Variants in ADAM19 observed in about 807,000 individuals in gnomAD.
ADAM19 encodes ADAM metallopeptidase domain 19, also known as disintegrin and metalloproteinase domain-containing protein 19.
Under a neutral mutation model 114.7 loss-of-function variants are expected in ADAM19, and 65 were observed. The observed-to-expected ratio is 0.57, with a 90% CI of 0.46 to 0.70. The LOEUF is 0.70. Among genes scored for constraint, ADAM19 ranks in the 30% least tolerant of loss-of-function variants. The probability of loss-of-function intolerance (pLI) is 0.00; values close to 1 mark genes in which losing one functional copy is unlikely to be tolerated. For missense variants in ADAM19, 1,063 were observed against 1,204.7 expected (o/e 0.88, Z 1.74); for synonymous variants, 466 against 460.5 (o/e 1.01, Z -0.15).
Position 157,491,688 on chromosome 5 carries a change from C to T in ADAM19, c.2022G>A (p.Pro674=), listed in dbSNP as rs139027135. 161 of 1,584,266 alleles carry T rather than the reference C, an allele frequency of 1.0e-4. No individual in the cohort carries two copies. Among genetic ancestry groups the T allele is most frequent in the East Asian group, 6.5e-4 (29 of 44,586 alleles). ...CNNNQNCHCL[P]GWAPPFCNTP... ...TGTTGCAGAAGGGCGGGGCCCAGCC[C>T]GGCAGGCAGTGGCAGTTCTGGTTGT... Residue 674 remains proline, a synonymous_variant, in exon 18 of 23, where the codon CCG becomes CCA. Transcript: ENST00000257527.
intron 4 of ADAM19, among the ~76,000 whole-genome samples, chr5:157,534,366 G>T (rs1019726764): frequency 1.3e-5 from 2 of 152,134 alleles, no homozygotes; most frequent in Non-Finnish European, 2.9e-5. Flanking sequence ...TACTCGGAAG[G>T]CTGAGGCATG....
chr5:157,525,333 C>T (rs947956327), intron 5 of ADAM19, among the ~76,000 whole-genome samples: 18 of 152,196 alleles, frequency 1.2e-4, no homozygotes, highest in Admixed American at 1.0e-3. Context: ...GAGCCACCTC[C>T]TTCTGCCCCA....
intron 8 of ADAM19, among the ~76,000 whole-genome samples, chr5:157,512,343 C>T (rs1430504096): frequency 1.3e-5 from 2 of 152,182 alleles, no homozygotes; most frequent in African/African-American, 4.8e-5. Flanking sequence ...TAAGTGATCT[C>T]CTATATTCTC....
At chr5:157,565,346 G>C (rs552653134) in intron 2 of ADAM19, among the ~76,000 whole-genome samples, 2 of 152,230 alleles carry the variant, frequency 1.3e-5, no homozygotes, top group African/African-American at 4.8e-5. Context: ...CTGGGCACTC[G>C]CAATCCCTAC....
chr5:157,481,586 T>C (rs1272584760), intron 22 of ADAM19: 4 of 1,516,630 alleles, frequency 2.6e-6, no homozygotes, highest in South Asian at 2.6e-5. Flanking sequence ...CAGCTCAGGA[T>C]TCTAAGAATC....
intron 1 of ADAM19, 109 bp from the exon 2 acceptor site, chr5:157,571,089 G>A (rs990998305): frequency 3.4e-6 from 3 of 891,014 alleles, no homozygotes; most frequent in African/African-American, 3.3e-5. Flanking sequence ...TAGAAGACTT[G>A]CTGGATTTCA....
chr5:157,494,870 G>T, intron 14 of ADAM19, 75 bp from the exon 15 acceptor site: 1 of 1,193,450 alleles, frequency 8.4e-7, no homozygotes, highest in Non-Finnish European at 1.2e-6. Flanking sequence ...CTTTGGTAAA[G>T]TCATGAAGGT....
chr5:157,525,250 G>T (rs1291269666), intron 5 of ADAM19, among the ~76,000 whole-genome samples: 1 of 152,160 alleles, frequency 6.6e-6, no homozygotes, highest in African/African-American at 2.4e-5. Flanking sequence ...GATCCATTCT[G>T]CAGAAGGAAG....
At chr5:157,485,344 A>G (rs1294584964) in intron 21 of ADAM19, among the ~76,000 whole-genome samples, 1 of 152,218 alleles carries the variant, frequency 6.6e-6, no homozygotes, top group Non-Finnish European at 1.5e-5. Flanking sequence ...ACAAATCATA[A>G]ATATACAACT....
intron 3 of ADAM19, among the ~76,000 whole-genome samples, chr5:157,550,300 A>C (rs1214120667): frequency 6.6e-6 from 1 of 152,138 alleles, no homozygotes; most frequent in East Asian, 1.9e-4. Context: ...CTGTGGTGGC[A>C]TAACTCTAAT....
At chr5:157,565,381 ACT>A (rs1277969545) in intron 2 of ADAM19, among the ~76,000 whole-genome samples, 15 of 152,196 alleles carry the variant, frequency 9.9e-5, no homozygotes, top group African/African-American at 3.6e-4. Context: ...ACTGACGGCA[ACT>A]CTCTGAAAGA....
chr5:157,511,570 T>C (rs545362222), intron 8 of ADAM19, among the ~76,000 whole-genome samples: 1 of 152,358 alleles, frequency 6.6e-6, no homozygotes, highest in Admixed American at 6.5e-5. Flanking sequence ...TTTGTGCCAG[T>C]TCAATCGTTA....
At chr5:157,545,399 A>G (rs1319937023) in intron 3 of ADAM19, among the ~76,000 whole-genome samples, 1 of 152,204 alleles carries the variant, frequency 6.6e-6, no homozygotes, top group Non-Finnish European at 1.5e-5. Flanking sequence ...GCTTCATGAT[A>G]TGCCTGGACA....
chr5:157,505,332 T>C (rs947362620), intron 11 of ADAM19, among the ~76,000 whole-genome samples: 1 of 152,052 alleles, frequency 6.6e-6, no homozygotes, highest in Non-Finnish European at 1.5e-5. Flanking sequence ...GATAGAAGAA[T>C]TAAGGGCTGT....
At chr5:157,564,554 A>T (rs1757600637) in intron 2 of ADAM19, 111 bp from the exon 3 acceptor site, 4 of 906,884 alleles carry the variant, frequency 4.4e-6, no homozygotes, top group Middle Eastern at 5.8e-4. Context: ...GAAGTGAATG[A>T]GCAAAGGTCA....
intron 18 of ADAM19, among the ~76,000 whole-genome samples, chr5:157,491,138 T>A (rs11746837): frequency 0.054 from 8,140 of 149,992 alleles, 275 homozygotes; most frequent in Middle Eastern, 0.098. Context: ...CTATTTTTTT[T>A]AAAAAAAAAA....
chr5:157,562,470 G>T (rs1211244948), intron 3 of ADAM19, among the ~76,000 whole-genome samples: 1 of 152,136 alleles, frequency 6.6e-6, no homozygotes, highest in Non-Finnish European at 1.5e-5. Context: ...CTCACCATGC[G>T]CTGTGCAAGC....
At chr5:157,560,672 CTG>C (rs1435146392) in intron 3 of ADAM19, among the ~76,000 whole-genome samples, 2 of 152,214 alleles carry the variant, frequency 1.3e-5, no homozygotes, top group Admixed American at 6.5e-5. Flanking sequence ...TTCTGTGTGA[CTG>C]TGTCTGTATG....
At chr5:157,565,038 C>A (rs1225471993) in intron 2 of ADAM19, among the ~76,000 whole-genome samples, 1 of 152,002 alleles carries the variant, frequency 6.6e-6, no homozygotes, top group Non-Finnish European at 1.5e-5. Flanking sequence ...TTTGGAAAAC[C>A]CCAATCATCT....
Sources: gnomAD v4.1 joint callset for allele counts (sites outside exome capture counted in the v4.1 genomes callset) on GRCh38, gnomAD v4.1.1 for gene constraint, MANE v1.5 for transcripts, NCBI Gene and HGNC (gene_info 2026-07-23, HGNC 2026-07-21) for gene names.